The following MALRD1 variants were observed in gnomAD, a reference collection of about 807,000 sequenced individuals.
MALRD1 encodes MAM and LDL-receptor class A domain-containing protein 1.
Under a neutral mutation model 242.1 loss-of-function variants are expected in MALRD1, and 247 were observed. That is an observed-to-expected ratio of 1.02 (90% confidence interval 0.92 to 1.13). The LOEUF is 1.13. Among genes scored for constraint, MALRD1 ranks in the 50% most tolerant of loss-of-function variants. The pLI, the probability that MALRD1 is intolerant of heterozygous loss-of-function variation, is 0.00. For missense variants in MALRD1, 2,989 were observed against 2,533.1 expected (o/e 1.18, Z -3.86); for synonymous variants, 995 against 866.6 (o/e 1.15, Z -2.60).
intron 31 of MALRD1, among the ~76,000 whole-genome samples, chr10:19,518,544 A>G (rs1211451245): frequency 6.6e-6 from 1 of 152,186 alleles, no homozygotes; most frequent in African/African-American, 2.4e-5. Context: ...ATAGTGTGAT[A>G]ACATCTCTAT....
At chr10:19,319,759 G>C (rs1010348577) in intron 21 of MALRD1, among the ~76,000 whole-genome samples, 8 of 151,828 alleles carry the variant, frequency 5.3e-5, no homozygotes, top group Non-Finnish European at 1.2e-4. Flanking sequence ...ATCTCATTAA[G>C]GTCACTTAAT....
rs1177164282 is a variant in MALRD1 at position 19,447,063 on chromosome 10, T to TACAC, written c.4846-3242_4846-3239dup. ...AGGAACACACACACACACACACACA[T>TACAC]ACACAGACACACACACACACACACA... On this transcript the variant is annotated intron_variant, in intron 28 of 39. Transcript: ENST00000454679. Among the ~76,000 whole-genome samples, 10 of 64,490 alleles carry TACAC rather than the reference T, an allele frequency of 1.6e-4. No homozygotes were observed. The East Asian group carries it at 6.3e-3, about 40-fold the overall frequency. The allele number at this position is 64,490 out of a possible 152,430, so 42.3% of individuals were successfully genotyped here.
chr10:19,467,392 C>CAAAAA (rs71387079), intron 29 of MALRD1, among the ~76,000 whole-genome samples: 21,830 of 53,166 alleles, frequency 0.41, 5,377 homozygotes, highest in East Asian at 0.61. Context: ...GACTCCGTCT[C>CAAAAA]AAAAAAAAAA....
At chr10:19,156,133 C>T (rs1834134458) in intron 12 of MALRD1, among the ~76,000 whole-genome samples, 1 of 152,108 alleles carries the variant, frequency 6.6e-6, no homozygotes, top group Non-Finnish European at 1.5e-5. Flanking sequence ...AGTGTTAGAG[C>T]AGTTTACTCG....
At chr10:19,106,414 T>C (rs893577422) in intron 5 of MALRD1, among the ~76,000 whole-genome samples, 10 of 152,040 alleles carry the variant, frequency 6.6e-5, no homozygotes, top group African/African-American at 2.4e-4. Context: ...CTATTTCTTC[T>C]AGGTTTTCCA....
chr10:19,495,530 C>T (rs1157702712), intron 30 of MALRD1, among the ~76,000 whole-genome samples: 1 of 151,728 alleles, frequency 6.6e-6, no homozygotes, highest in Admixed American at 6.6e-5. Context: ...GAAATAACAT[C>T]CTTTTCAGAC....
At chr10:19,269,858 T>C (rs1340621557) in intron 19 of MALRD1, among the ~76,000 whole-genome samples, 1 of 152,232 alleles carries the variant, frequency 6.6e-6, no homozygotes, top group Non-Finnish European at 1.5e-5. Flanking sequence ...GTTGTCCTTT[T>C]ACTTATTCTC....
intron 32 of MALRD1, among the ~76,000 whole-genome samples, chr10:19,563,029 C>T (rs1176956594): frequency 2.0e-5 from 3 of 151,558 alleles, no homozygotes. Context: ...GTTTATTCAG[C>T]TTTTTTTTGT....
chr10:19,602,996 T>TC (rs1339256153), intron 34 of MALRD1, among the ~76,000 whole-genome samples: 1 of 152,222 alleles, frequency 6.6e-6, no homozygotes, highest in East Asian at 1.9e-4. Context: ...AATGCCTTCT[T>TC]TTGAGAAGTG....
chr10:19,511,383 T>G (rs1428739167), intron 31 of MALRD1, among the ~76,000 whole-genome samples: 2 of 152,200 alleles, frequency 1.3e-5, no homozygotes, highest in African/African-American at 4.8e-5. Context: ...CCCTTTAAGA[T>G]GTCTTGTGAT....
chr10:19,226,608 C>T (rs774915357), intron 18 of MALRD1, among the ~76,000 whole-genome samples: 4 of 151,384 alleles, frequency 2.6e-5, no homozygotes, highest in Admixed American at 6.6e-5. Flanking sequence ...AATTACAAAA[C>T]TGATTCTAAA....
intron 32 of MALRD1, among the ~76,000 whole-genome samples, chr10:19,561,643 G>A (rs1351043318): frequency 6.6e-6 from 1 of 152,044 alleles, no homozygotes; most frequent in Non-Finnish European, 1.5e-5. Context: ...TTTTAAATGG[G>A]GTTATGATTA....
intron 21 of MALRD1, among the ~76,000 whole-genome samples, chr10:19,304,773 C>G (rs572897818): frequency 5.7e-4 from 86 of 151,818 alleles, no homozygotes; most frequent in South Asian, 2.9e-3. Context: ...CATAAATAAA[C>G]TTTTCTTTAT....
chr10:19,721,074 TA>T (rs918038309), intron 38 of MALRD1, among the ~76,000 whole-genome samples: 22 of 150,808 alleles, frequency 1.5e-4, no homozygotes, highest in African/African-American at 3.9e-4. Flanking sequence ...GAGATGAAGT[TA>T]AAAAAAAAGA....
intron 21 of MALRD1, among the ~76,000 whole-genome samples, chr10:19,323,292 GGCAAT>G (rs2130893403): frequency 6.6e-6 from 1 of 152,074 alleles, no homozygotes; most frequent in Non-Finnish European, 1.5e-5. Flanking sequence ...TTCTTCTAAA[GGCAAT>G]CAGTGCTTTA....
intron 38 of MALRD1, among the ~76,000 whole-genome samples, chr10:19,714,990 C>T (rs1031508868): frequency 6.6e-6 from 1 of 152,198 alleles, no homozygotes; most frequent in Admixed American, 6.5e-5. Context: ...CCCAGAGTTA[C>T]ATACTGTTAA....
intron 4 of MALRD1, among the ~76,000 whole-genome samples, chr10:19,095,496 A>G (rs892302436): frequency 1.3e-5 from 2 of 152,194 alleles, no homozygotes; most frequent in African/African-American, 4.8e-5. Context: ...ATCTTAAGCC[A>G]TCAGGCACTT....
intron 28 of MALRD1, among the ~76,000 whole-genome samples, chr10:19,407,389 G>A: frequency 6.6e-6 from 1 of 152,160 alleles, no homozygotes; most frequent in East Asian, 1.9e-4. Flanking sequence ...CGCTGAGGTG[G>A]GAGGCTCACT....
intron 33 of MALRD1, among the ~76,000 whole-genome samples, chr10:19,592,732 C>T (rs1837867738): frequency 2.2e-5 from 1 of 44,672 alleles, no homozygotes; most frequent in African/African-American, 8.7e-5. Context: ...TATAAAGACA[C>T]ACACACACAC....
Sources: allele counts gnomAD v4.1 joint callset (sites outside exome capture counted in the v4.1 genomes callset), GRCh38; gene constraint gnomAD v4.1.1; transcripts MANE v1.5; gene names NCBI Gene and HGNC (gene_info 2026-07-23, HGNC 2026-07-21).